CADPS: variants seen among roughly 807,000 people sequenced by gnomAD.
The protein encoded by CADPS is calcium-dependent secretion activator 1.
Under a neutral mutation model 167.3 loss-of-function variants are expected in CADPS, and 57 were observed. The ratio of observed to expected loss-of-function variants is 0.34; its 90% CI spans 0.28 to 0.42. CADPS has a LOEUF of 0.42. Among genes scored for constraint, CADPS ranks in the 20% least tolerant of loss-of-function variants. The pLI, the probability that CADPS is intolerant of heterozygous loss-of-function variation, is 1.00. For synonymous variants in CADPS, 676 were observed against 635.3 expected, an observed-to-expected ratio of 1.06 and a Z score of -0.96; for missense variants, 1,414 against 1,738.1, an observed-to-expected ratio of 0.81 and a Z score of 3.32.
At chr3:62,569,844 A>G (rs1469691326) in intron 9 of CADPS, among the ~76,000 whole-genome samples, 1 of 152,214 alleles carries the variant, frequency 6.6e-6, no homozygotes, top group Non-Finnish European at 1.5e-5. Context: ...GAGTCTGAAA[A>G]TTAAAAACAG....
intron 3 of CADPS, among the ~76,000 whole-genome samples, chr3:62,748,013 A>G (rs912600143): frequency 6.6e-6 from 1 of 151,862 alleles, no homozygotes; most frequent in African/African-American, 2.4e-5. Context: ...AGAAGAGTCT[A>G]TTTGCCTTTA....
chr3:62,701,505 A>T (rs13095890), intron 3 of CADPS, among the ~76,000 whole-genome samples: 12,052 of 150,426 alleles, frequency 0.08, 637 homozygotes, highest in Non-Finnish European at 0.12. Context: ...GCTACTCGGG[A>T]GGCTGAGGCA....
intron 1 of CADPS, among the ~76,000 whole-genome samples, chr3:62,832,356 G>T (rs1051366590): frequency 2.6e-5 from 4 of 152,212 alleles, no homozygotes; most frequent in African/African-American, 9.6e-5. Context: ...GATCTCAGAG[G>T]AATAGAGAGC....
At chr3:62,532,274 G>A (rs1051800752) in intron 13 of CADPS, among the ~76,000 whole-genome samples, 12 of 152,022 alleles carry the variant, frequency 7.9e-5, no homozygotes, top group Admixed American at 7.9e-4. Flanking sequence ...ATTAAATTTT[G>A]TCATGGAATT....
intron 6 of CADPS, among the ~76,000 whole-genome samples, chr3:62,607,693 T>C (rs539236456): frequency 6.6e-6 from 1 of 152,236 alleles, no homozygotes; most frequent in African/African-American, 2.4e-5. Context: ...CGGAAGCTGT[T>C]GTTGGTTTGC....
At chr3:62,851,171 T>C (rs1337649316) in intron 1 of CADPS, among the ~76,000 whole-genome samples, 1 of 136,534 alleles carries the variant, frequency 7.3e-6, no homozygotes. Context: ...TGTGTGTCTC[T>C]GCACGTGAGA....
intron 6 of CADPS, among the ~76,000 whole-genome samples, chr3:62,593,385 A>C (rs2086514754): frequency 6.6e-6 from 1 of 152,230 alleles, no homozygotes; most frequent in Non-Finnish European, 1.5e-5. Context: ...TGGCTTACCC[A>C]AAATCTGGGT....
At chr3:62,578,780 A>G (rs1325395910) in intron 8 of CADPS, among the ~76,000 whole-genome samples, 1 of 152,208 alleles carries the variant, frequency 6.6e-6, no homozygotes, top group East Asian at 1.9e-4. Flanking sequence ...CAGTAAGGAT[A>G]TAGATTCTTT....
intron 7 of CADPS, among the ~76,000 whole-genome samples, chr3:62,591,245 T>A (rs1478519826): frequency 6.6e-6 from 1 of 152,176 alleles, no homozygotes; most frequent in East Asian, 1.9e-4. Context: ...CCGTGGAGAT[T>A]TTACAGTCCA....
chr3:62,483,859 A>G (rs1397419952), intron 21 of CADPS, among the ~76,000 whole-genome samples: 1 of 152,156 alleles, frequency 6.6e-6, no homozygotes, highest in Non-Finnish European at 1.5e-5. Flanking sequence ...TAAATGATAC[A>G]CACACTGAAT....
In CADPS at chr3:62,399,274, AAT is replaced by A. The variant is rs1705030358; in HGVS notation, c.*130_*131del. 1 of 765,116 alleles carries A rather than the reference AAT, an allele frequency of 1.3e-6. No individual in the cohort carries two copies. Among genetic ancestry groups the A allele is most frequent in the South Asian group, 1.9e-5 (1 of 53,848 alleles). 47.4% of individuals were successfully genotyped at this position (765,116 alleles called of 1,614,324 possible). On this transcript the variant is annotated 3_prime_UTR_variant, in exon 30 of 30. Coordinates refer to ENST00000383710, the MANE Select transcript of CADPS (RefSeq NM_003716.4). This position sits in a 1 kb window ranked among gnomAD's most constrained non-coding sequence, Gnocchi z 5.6. ...GCTAATCTTGGTACCACATAGCTAA[AAT>A]GGCAGTTGTATTGATAAACATCTCA...
chr3:62,654,590 A>G (rs537237885), intron 4 of CADPS, among the ~76,000 whole-genome samples: 1 of 152,256 alleles, frequency 6.6e-6, no homozygotes, highest in East Asian at 1.9e-4. Flanking sequence ...GCCTCTCTGG[A>G]GAGTGAAGGG....
At position 62,511,512 on chromosome 3, in the gene CADPS, C is replaced by T. The variant is rs150460607; in HGVS notation, c.2599+1239G>A. Among the ~76,000 whole-genome samples, 596 of 152,134 alleles carry T rather than the reference C, an allele frequency of 3.9e-3. 3 individuals are homozygous for T. The highest frequency in any genetic ancestry group is 0.013 in the African/African-American group (529 of 41,498). Reference sequence around the variant, plus strand: ...AGTTAATAATATGCTTAGAATCATACCTGGAACATGATATGCATTAAATAA... The same window carrying T: ...AGTTAATAATATGCTTAGAATCATATCTGGAACATGATATGCATTAAATAA... On this transcript the variant is annotated intron_variant, in intron 17 of 29. Transcript: ENST00000383710.
intron 13 of CADPS, among the ~76,000 whole-genome samples, chr3:62,523,676 AG>A (rs1461102283): frequency 6.6e-6 from 1 of 152,234 alleles, no homozygotes; most frequent in Admixed American, 6.5e-5. Context: ...AGGTGTAAAA[AG>A]AAATGTATGA....
chr3:62,683,864 G>C (rs1251179260), intron 3 of CADPS, among the ~76,000 whole-genome samples: 1 of 151,996 alleles, frequency 6.6e-6, no homozygotes, highest in African/African-American at 2.4e-5. Flanking sequence ...TTTATTTATG[G>C]GTTTGGGGGA....
intron 6 of CADPS, among the ~76,000 whole-genome samples, chr3:62,622,321 G>C (rs906628736): frequency 5.3e-5 from 8 of 152,112 alleles, no homozygotes; most frequent in Non-Finnish European, 1.0e-4. Context: ...TCCGGGGCTT[G>C]GTGCTGGGGA....
At chr3:62,682,106 CAG>C (rs983578296) in intron 3 of CADPS, among the ~76,000 whole-genome samples, 2 of 152,026 alleles carry the variant, frequency 1.3e-5, no homozygotes, top group African/African-American at 4.8e-5. Flanking sequence ...GCACAAGGGA[CAG>C]AGACAATTTG....
At chr3:62,727,803 T>C (rs1032281947) in intron 3 of CADPS, among the ~76,000 whole-genome samples, 1 of 151,872 alleles carries the variant, frequency 6.6e-6, no homozygotes, top group African/African-American at 2.4e-5. Flanking sequence ...GAAATGGAAA[T>C]TCTGATGAAG....
intron 6 of CADPS, among the ~76,000 whole-genome samples, chr3:62,627,963 T>A (rs111297164): frequency 2.2e-4 from 33 of 152,292 alleles, no homozygotes; most frequent in African/African-American, 7.9e-4. Flanking sequence ...AATCAGTCAA[T>A]CCATCCCTTC....
Sources: allele counts gnomAD v4.1 joint callset (sites outside exome capture counted in the v4.1 genomes callset), GRCh38; gene constraint gnomAD v4.1.1; non-coding constraint Gnocchi (gnomAD v3.1); transcripts MANE v1.5; gene names NCBI Gene and HGNC (gene_info 2026-07-23, HGNC 2026-07-21).